The following SMARCA1 variants were observed in gnomAD, a reference collection of about 807,000 sequenced individuals.
SMARCA1 encodes the protein SNF2 related chromatin remodeling ATPase 1.
A neutral mutation model predicts 93.6 loss-of-function variants in SMARCA1; 17 were observed. The observed-to-expected ratio is 0.18, with a 90% CI of 0.12 to 0.27. SMARCA1 has a LOEUF of 0.27. SMARCA1 is among the 10% of genes least tolerant of loss of function. The pLI is 1.00. For missense variants in SMARCA1, 630 were observed against 819.0 expected (o/e 0.77, Z 2.82); for synonymous variants, 271 against 271.4 (o/e 1.00, Z 0.01).
At chrX:129,522,868 C>G (rs1442014116) in intron 1 of SMARCA1, among the ~76,000 whole-genome samples, 2 of 111,368 alleles carry the variant, frequency 1.8e-5, no homozygotes, top group Non-Finnish European at 3.8e-5. Context: ...AGCCCCATCC[C>G]CCACCCCGTT....
intron 23 of SMARCA1, among the ~76,000 whole-genome samples, chrX:129,460,227 C>T (rs6529372): frequency 0.48 from 53,287 of 110,663 alleles, 12,039 homozygotes; most frequent in African/African-American, 0.89. Context: ...TGCATAAATA[C>T]GTGGTTTTAA....
chrX:129,465,257 A>C (rs908382502), intron 23 of SMARCA1, among the ~76,000 whole-genome samples: 1 of 111,909 alleles, frequency 8.9e-6, no homozygotes, highest in Non-Finnish European at 1.9e-5. Flanking sequence ...AATGGTTCAT[A>C]AATATAGTTA....
chrX:129,492,730 T>C (rs1243569842), intron 13 of SMARCA1, among the ~76,000 whole-genome samples: 2 of 110,979 alleles, frequency 1.8e-5, no homozygotes, highest in Non-Finnish European at 3.8e-5. Flanking sequence ...AAAGATCTCA[T>C]ACAAATTAAT....
chrX:129,472,142 G>A (rs898327550), intron 19 of SMARCA1, among the ~76,000 whole-genome samples: 2 of 111,955 alleles, frequency 1.8e-5, no homozygotes, highest in Non-Finnish European at 3.8e-5. Flanking sequence ...ATGTGGTTCA[G>A]CAGTATGGGG....
chrX:129,489,874 A>T (rs764977811), intron 15 of SMARCA1, among the ~76,000 whole-genome samples, 186 bp downstream of exon 15: 1 of 112,109 alleles, frequency 8.9e-6, no homozygotes, highest in African/African-American at 3.2e-5. Context: ...TAGCATTTTT[A>T]AATTTTTTCC....
At chrX:129,498,245 G>A in intron 10 of SMARCA1, among the ~76,000 whole-genome samples, 174 bp from the exon 11 acceptor site, 1 of 111,960 alleles carries the variant, frequency 8.9e-6, no homozygotes, top group South Asian at 3.7e-4. Context: ...GTGAACTTGT[G>A]TGTTGCTTAT....
chrX:129,472,283 A>G (rs1933162108), intron 19 of SMARCA1, among the ~76,000 whole-genome samples: 1 of 111,778 alleles, frequency 8.9e-6, no homozygotes, highest in South Asian at 3.8e-4. Flanking sequence ...CATGTGTACT[A>G]CACTTTATAG....
intron 23 of SMARCA1, among the ~76,000 whole-genome samples, chrX:129,457,506 G>A (rs1932685294): frequency 8.9e-6 from 1 of 112,117 alleles, no homozygotes. Context: ...AGTGTACTTT[G>A]TACTCAGAAA....
chrX:129,517,602 G>C (rs1185011090), intron 2 of SMARCA1, among the ~76,000 whole-genome samples: 1 of 110,457 alleles, frequency 9.1e-6, no homozygotes, highest in Non-Finnish European at 1.9e-5. Flanking sequence ...TAAACATTAA[G>C]TCTTATAAAA....
chrX:129,512,570 A>G (rs1002181516), intron 5 of SMARCA1, among the ~76,000 whole-genome samples: 2 of 111,818 alleles, frequency 1.8e-5, no homozygotes, highest in African/African-American at 3.2e-5. Context: ...AAAATAATAT[A>G]TTCAATATCT....
At chrX:129,491,892 T>G in intron 14 of SMARCA1, 49 bp downstream of exon 14, 1 of 922,504 alleles carries the variant, frequency 1.1e-6, no homozygotes, top group Non-Finnish European at 1.5e-6. Context: ...TAAATAGCAA[T>G]AGTATTCAGA....
chrX:129,473,862 A>G (rs1485616409), intron 19 of SMARCA1, among the ~76,000 whole-genome samples: 1 of 112,139 alleles, frequency 8.9e-6, no homozygotes, highest in Non-Finnish European at 1.9e-5. Context: ...ATATCTTTAT[A>G]GGAGGAGTTC....
rs182801177 is a variant in SMARCA1 at position 129,486,065 on chromosome X, T to C, written c.2217+953A>G. 3.0e-3 allele frequency among the ~76,000 whole-genome samples: 332 copies of C among 111,944 alleles called. 1 individual carries two copies. The highest frequency in any genetic ancestry group is 0.01 in the African/African-American group (319 of 30,859). On this transcript the variant is annotated intron_variant, in intron 17 of 24. Transcript: ENST00000371121. ...ATTTGATCATTACACATTGTATATA[T>C]GTAACAAAATATCACTCTGTATCCC...
chrX:129,502,083 T>C (rs1040790034), intron 9 of SMARCA1, among the ~76,000 whole-genome samples: 2 of 111,846 alleles, frequency 1.8e-5, no homozygotes, highest in Admixed American at 1.9e-4. Context: ...TTCTGGCTTC[T>C]GGTGTGAGCC....
At chrX:129,449,829 CAAAA>C (rs1288747466) in intron 23 of SMARCA1, among the ~76,000 whole-genome samples, 1 of 98,128 alleles carries the variant, frequency 1.0e-5, no homozygotes, top group Non-Finnish European at 2.1e-5. Flanking sequence ...GAAAACTCAC[CAAAA>C]AAAAAAAAGT....
At chrX:129,468,289 C>T (rs1932979233) in intron 21 of SMARCA1, among the ~76,000 whole-genome samples, 1 of 112,199 alleles carries the variant, frequency 8.9e-6, no homozygotes, top group South Asian at 3.7e-4. Flanking sequence ...TTCAGCTCTA[C>T]GCCCGCTAGC....
At chrX:129,495,232 G>A (rs1257814502) in intron 12 of SMARCA1, among the ~76,000 whole-genome samples, 2 of 112,937 alleles carry the variant, frequency 1.8e-5, no homozygotes, top group Non-Finnish European at 3.7e-5. Flanking sequence ...GAATAAGCAG[G>A]TAAATAATTA....
intron 20 of SMARCA1, 123 bp from the exon 21 acceptor site, chrX:129,469,028 T>C: frequency 2.5e-6 from 1 of 397,375 alleles, no homozygotes; most frequent in Non-Finnish European, 4.1e-6. Context: ...TGTTTCTCCT[T>C]ATAAAATTGC....
chrX:129,495,143 T>C, intron 12 of SMARCA1, among the ~76,000 whole-genome samples: 1 of 112,526 alleles, frequency 8.9e-6, no homozygotes, highest in South Asian at 3.7e-4. Flanking sequence ...TGTGATGGAA[T>C]GGCATTCTGT....
Sources: allele counts gnomAD v4.1 joint callset (sites outside exome capture counted in the v4.1 genomes callset), GRCh38; gene constraint gnomAD v4.1.1; transcripts MANE v1.5; gene names NCBI Gene and HGNC (gene_info 2026-07-23, HGNC 2026-07-21).